ANKDD1B: variants seen among roughly 807,000 people sequenced by gnomAD.
ANKDD1B encodes the protein ankyrin repeat and death domain containing 1B.
ANKDD1B carries 57 observed loss-of-function variants against 59.7 expected under a neutral mutation model. The observed-to-expected ratio is 0.95, with a 90% CI of 0.77 to 1.19. ANKDD1B has a LOEUF of 1.19. Ranked by LOEUF, ANKDD1B falls within the 50% of genes most tolerant of loss-of-function variation. ANKDD1B has a pLI of 0.00. For missense variants in ANKDD1B, 602 were observed against 641.9 expected (o/e 0.94, Z 0.67); for synonymous variants, 216 against 239.5 (o/e 0.90, Z 0.91).
rs151014399 is a variant in ANKDD1B, at chr5:75,634,984, A to G, written c.687A>G (p.Ser229=). Residue 229 remains serine (S), a synonymous_variant, in exon 6 of 14, where the codon TCA becomes TCG. Transcript: ENST00000601380. ...TTACCTTCCTAAACCTGCATACTTC[A>G]GAAAAGGACAAGGTGAGTTGGACTT... The part of the protein sequence containing the change: ...EKLTFLNLHT[S]EKDKGGNTAL... 7 of 1,532,812 alleles carry G rather than the reference A, an allele frequency of 4.6e-6. No homozygotes were observed. The East Asian group carries it at 9.8e-5, about 21-fold the overall frequency. 95.0% of individuals were successfully genotyped at this position (1,532,812 alleles called of 1,614,324 possible).
In ANKDD1B at chr5:75,656,113, G is replaced by A; in HGVS notation, c.982G>A (p.Asp328Asn). ...TTTATTAAGTGCACAGCATGATATT[G>A]ACATCTTAAATCAGGTAAGCCAGGC... is the stretch of plus-strand genomic sequence containing the variant. ...NSLLSAQHDI[D>N]ILNQKQQTPL... Residue 328 changes from aspartate to asparagine, a missense_variant, in exon 9 of 14, where the codon GAC (aspartate) becomes AAC (asparagine). Around this residue, in one of 3 missense-constraint regions of ANKDD1B, gnomAD observed 280 missense variants for 319.8 expected, o/e 0.88. Coordinates refer to ENST00000601380, the MANE Select transcript of ANKDD1B (RefSeq NM_001276713.2). 1 of 1,512,698 alleles carries A rather than the reference G, an allele frequency of 6.6e-7. No homozygotes were observed. The highest frequency in any genetic ancestry group is 8.9e-7 in the Non-Finnish European group (1 of 1,127,928). 93.7% of individuals were successfully genotyped at this position (1,512,698 alleles called of 1,614,324 possible). A position where few individuals can be genotyped will look rare whatever the true frequency, so the allele number is the denominator to read the frequency against.
intron 7 of ANKDD1B, among the ~76,000 whole-genome samples, chr5:75,649,742 GCTATTTTATGT>G (rs1393613237): frequency 6.6e-6 from 1 of 152,174 alleles, no homozygotes; most frequent in East Asian, 1.9e-4. Context: ...AACAAGTCAT[GCTATTTTATGT>G]CTTGCTGTAG....
chr5:75,648,174 G>A (rs1488415836), intron 7 of ANKDD1B, among the ~76,000 whole-genome samples: 2 of 110,210 alleles, frequency 1.8e-5, no homozygotes, highest in Non-Finnish European at 3.6e-5. Flanking sequence ...AGTGGGTGCG[G>A]CGCACCAGCA....
At chr5:75,632,106 CAA>C (rs529570814) in intron 5 of ANKDD1B, among the ~76,000 whole-genome samples, 31 of 76,798 alleles carry the variant, frequency 4.0e-4, no homozygotes, top group Admixed American at 4.6e-4. Context: ...AACTCTGTCT[CAA>C]AAAAAAAAAA....
intron 1 of ANKDD1B, among the ~76,000 whole-genome samples, chr5:75,616,415 TC>T (rs1353107305): frequency 6.6e-6 from 1 of 152,214 alleles, no homozygotes; most frequent in East Asian, 1.9e-4. Flanking sequence ...AACAGTTTTA[TC>T]TCTGTAAGCT....
In ANKDD1B at chr5:75,671,152, C is replaced by G; in HGVS notation, c.*112C>G. The G allele has an allele frequency of 2.3e-6, 1 of 426,944 alleles. No homozygotes were observed. The highest frequency in any genetic ancestry group is 3.9e-6 in the Non-Finnish European group (1 of 254,140). The allele number at this position is 426,944 out of a possible 1,614,324, so 26.4% of individuals were successfully genotyped here. ...TTTTCAACTATGATGATGGTGGTGA[C>G]AGGGAACTCTAACAGATGAAAGAAG... On this transcript the variant is annotated 3_prime_UTR_variant, in exon 14 of 14. Transcript: ENST00000601380.
intron 8 of ANKDD1B, among the ~76,000 whole-genome samples, chr5:75,655,489 C>T (rs1190954353): frequency 6.6e-6 from 1 of 152,134 alleles, no homozygotes; most frequent in Admixed American, 6.6e-5. Context: ...ACTCTTATTG[C>T]CCTTTAGCTT....
intron 1 of ANKDD1B, among the ~76,000 whole-genome samples, chr5:75,612,351 C>T (rs1340346984): frequency 7.6e-6 from 1 of 131,298 alleles, no homozygotes; most frequent in Non-Finnish European, 1.6e-5. Context: ...CCCCCGCCCT[C>T]CGCCCCGCGT....
chr5:75,652,969 T>C (rs192394180), intron 7 of ANKDD1B, among the ~76,000 whole-genome samples, 173 bp from the exon 8 acceptor site: 7 of 152,362 alleles, frequency 4.6e-5, no homozygotes, highest in Non-Finnish European at 7.3e-5. Flanking sequence ...TTCAGTTCCA[T>C]TGTAATCTTA....
At position 75,611,682 on chromosome 5, in the gene ANKDD1B, G is replaced by C. The variant is rs1773560436; in HGVS notation, c.48G>C (p.Gly16=). The change falls in exon 1 of 14, where the codon GGG becomes GGC. Residue 16 remains glycine, a synonymous_variant. Transcript: ENST00000601380. ...GGGGCCAAGGGGCCACGGCAGGGGG[G>C]CTGCTGCTCCGGGCTGCTGCGGCCG... ...RARGQGATAG[G]LLLRAAAAAK... 1 of 1,227,416 alleles carries C rather than the reference G, an allele frequency of 8.1e-7. No homozygotes were observed. The highest frequency in any genetic ancestry group is 1.0e-6 in the Non-Finnish European group (1 of 987,996). The allele number at this position is 1,227,416 out of a possible 1,614,324, so 76.0% of individuals were successfully genotyped here.
intron 7 of ANKDD1B, among the ~76,000 whole-genome samples, chr5:75,647,259 A>C (rs1198933138): frequency 4.3e-5 from 5 of 117,400 alleles, no homozygotes; most frequent in Admixed American, 8.1e-5. Context: ...ATGGGATCTA[A>C]TTAAACTAAA....
At position 75,656,081 on chromosome 5, in the gene ANKDD1B, T is replaced by A; in HGVS notation, c.950T>A (p.Val317Glu). 6.5e-7 allele frequency: 1 copy of A among 1,530,440 alleles called. No individual in the cohort carries two copies. The highest frequency in any genetic ancestry group is 8.8e-7 in the Non-Finnish European group (1 of 1,141,808). The allele number at this position is 1,530,440 out of a possible 1,614,324, so 94.8% of individuals were successfully genotyped here. The change falls in exon 9 of 14, where the codon GTA becomes GAA. Residue 317 changes from valine (V) to glutamate (E), a missense_variant. Coordinates refer to ENST00000601380, the MANE Select transcript of ANKDD1B (RefSeq NM_001276713.2). ...GTTATCAACAACCACATCACGGTTG[T>A]AAACAGTTTATTAAGTGCACAGCAT... is the stretch of plus-strand genomic sequence containing the variant. ...LVVINNHITV[V>E]NSLLSAQHDI...
intron 10 of ANKDD1B, 90 bp downstream of exon 10, chr5:75,659,471 C>A: frequency 1.1e-6 from 1 of 931,194 alleles, no homozygotes; most frequent in South Asian, 1.4e-5. Context: ...ATTGGAATAT[C>A]CTTTGTGAAA....
intron 7 of ANKDD1B, among the ~76,000 whole-genome samples, chr5:75,641,935 A>G (rs1774477399): frequency 6.6e-6 from 1 of 152,240 alleles, no homozygotes; most frequent in Non-Finnish European, 1.5e-5. Flanking sequence ...TACAACATAT[A>G]CGTGGAATGA....
intron 1 of ANKDD1B, among the ~76,000 whole-genome samples, chr5:75,616,126 T>A (rs762138552): frequency 5.3e-5 from 8 of 152,174 alleles, no homozygotes; most frequent in Non-Finnish European, 1.0e-4. Flanking sequence ...TCTTACCCCT[T>A]ATGTTGGGCT....
intron 8 of ANKDD1B, among the ~76,000 whole-genome samples, chr5:75,654,079 T>C (rs1774896901): frequency 6.6e-6 from 1 of 152,252 alleles, no homozygotes; most frequent in Admixed American, 6.5e-5. Flanking sequence ...ACAGAAATTC[T>C]TCCTTTCATG....
At chr5:75,654,560 G>T (rs532611286) in intron 8 of ANKDD1B, among the ~76,000 whole-genome samples, 2 of 152,230 alleles carry the variant, frequency 1.3e-5, no homozygotes, top group African/African-American at 4.8e-5. Flanking sequence ...CATGCCTGTA[G>T]CCTCAGCTAC....
At chr5:75,627,457 T>C (rs368776677) in intron 5 of ANKDD1B, among the ~76,000 whole-genome samples, 3 of 152,330 alleles carry the variant, frequency 2.0e-5, no homozygotes, top group African/African-American at 7.2e-5. Flanking sequence ...ACTGCTGAGA[T>C]GCTTAAATGA....
chr5:75,620,332 G>T lies in ANKDD1B; in HGVS notation c.315G>T (p.Leu105=), dbSNP rs771485180. 2.0e-6 allele frequency: 3 copies of T among 1,530,332 alleles called. No individual in the cohort carries two copies. The highest frequency in any genetic ancestry group is 2.6e-6 in the Non-Finnish European group (3 of 1,141,818). 94.8% of individuals were successfully genotyped at this position (1,530,332 alleles called of 1,614,324 possible). The change falls in exon 3 of 14, where the codon CTG becomes CTT. Residue 105 remains leucine, a synonymous_variant. Coordinates refer to ENST00000601380, the MANE Select transcript of ANKDD1B (RefSeq NM_001276713.2). ...TTCCTCAGATGAACCGCACAGCCCT[G>T]CATTTTGCAGTGGGGAGAAATCATT... ...NVVNNMNRTA[L]HFAVGRNHLS...
Sources: gnomAD v4.1 joint callset for allele counts (sites outside exome capture counted in the v4.1 genomes callset) on GRCh38, gnomAD v4.1.1 for gene constraint, gnomAD v4.1.1 regional missense constraint, MANE v1.5 for transcripts, NCBI Gene and HGNC (gene_info 2026-07-23, HGNC 2026-07-21) for gene names.